KCNN2: variants seen among roughly 807,000 people sequenced by gnomAD.
The protein encoded by KCNN2 is potassium calcium-activated channel subfamily N member 2, also known as small conductance calcium-activated potassium channel protein 2.
In KCNN2, 24 loss-of-function variants were observed where a neutral mutation model predicts 55.5. The observed-to-expected ratio is 0.43, with a 90% confidence interval of 0.31 to 0.61. KCNN2 has a LOEUF of 0.61. Ranked by LOEUF, KCNN2 falls within the 20% of genes least tolerant of loss-of-function variation. KCNN2 has a pLI of 0.08. For synonymous variants in KCNN2, 431 were observed against 336.1 expected (o/e 1.28, Z -3.09); for missense variants, 754 against 853.6 (o/e 0.88, Z 1.45).
chr5:114,297,946 A>G (rs1022858688), intron 2 of KCNN2, among the ~76,000 whole-genome samples: 1 of 152,194 alleles, frequency 6.6e-6, no homozygotes, highest in Non-Finnish European at 1.5e-5. Context: ...TGGAAATGAT[A>G]TTCCATTCCC....
intron 1 of KCNN2, among the ~76,000 whole-genome samples, chr5:114,132,948 T>G (rs187040051): frequency 1.3e-5 from 2 of 152,270 alleles, no homozygotes; most frequent in African/African-American, 4.8e-5. Flanking sequence ...TGATGATGTA[T>G]TAACAGGGAC....
At chr5:114,056,248 C>G (rs187329126) in exon 1 of KCNN2, 5 of 396,614 alleles carry the variant, frequency 1.3e-5, no homozygotes, top group African/African-American at 2.1e-5. Flanking sequence ...CTCTGCTCCC[C>G]GAAGCTGGGG....
At chr5:114,177,871 G>T (rs1463784460) in intron 1 of KCNN2, among the ~76,000 whole-genome samples, 2 of 152,098 alleles carry the variant, frequency 1.3e-5, no homozygotes, top group East Asian at 3.9e-4. Context: ...TGATCAATTA[G>T]ACATCGGATT....
At chr5:114,197,982 A>G (rs531422999) in intron 1 of KCNN2, among the ~76,000 whole-genome samples, 1 of 152,160 alleles carries the variant, frequency 6.6e-6, no homozygotes, top group Non-Finnish European at 1.5e-5. Flanking sequence ...TTTTAAGATA[A>G]TTTTTGTGAA....
intron 2 of KCNN2, among the ~76,000 whole-genome samples, chr5:114,302,244 A>G (rs1271034264): frequency 2.0e-5 from 3 of 152,180 alleles, no homozygotes; most frequent in African/African-American, 7.2e-5. Flanking sequence ...TAAATAATTT[A>G]TGTTTCCACC....
At chr5:114,454,941 G>A (rs531715210) in intron 3 of KCNN2, among the ~76,000 whole-genome samples, 4 of 152,226 alleles carry the variant, frequency 2.6e-5, no homozygotes, top group South Asian at 4.1e-4. Flanking sequence ...TTACAGATAC[G>A]CTTATGTAAA....
intron 1 of KCNN2, among the ~76,000 whole-genome samples, chr5:114,134,745 A>T (rs1580543404): frequency 6.6e-6 from 1 of 152,064 alleles, no homozygotes; most frequent in Non-Finnish European, 1.5e-5. Flanking sequence ...AAAGTGCTGG[A>T]ATTACAGGCG....
At chr5:114,270,585 A>T (rs1040644275) in intron 2 of KCNN2, among the ~76,000 whole-genome samples, 1 of 152,198 alleles carries the variant, frequency 6.6e-6, no homozygotes, top group Non-Finnish European at 1.5e-5. Flanking sequence ...CTGAAACACA[A>T]TGGGAATCAT....
chr5:114,178,079 A>G (rs1753172468), intron 1 of KCNN2, among the ~76,000 whole-genome samples: 1 of 152,204 alleles, frequency 6.6e-6, no homozygotes, highest in African/African-American at 2.4e-5. Flanking sequence ...CTTCCTATTC[A>G]CTGCCTATTC....
intron 3 of KCNN2, among the ~76,000 whole-genome samples, chr5:114,442,976 T>TA (rs932898784): frequency 6.6e-6 from 1 of 150,946 alleles, no homozygotes; most frequent in African/African-American, 2.4e-5. Context: ...TTAAAGGTGT[T>TA]TTTTTCACAA....
intron 1 of KCNN2, among the ~76,000 whole-genome samples, chr5:114,081,611 A>G (rs902177223): frequency 2.6e-5 from 4 of 152,214 alleles, no homozygotes; most frequent in African/African-American, 9.6e-5. Context: ...ATCTAACACC[A>G]TATACAAAAA....
chr5:114,484,479 AT>A (rs1281331128), intron 5 of KCNN2, among the ~76,000 whole-genome samples: 1 of 152,200 alleles, frequency 6.6e-6, no homozygotes, highest in African/African-American at 2.4e-5. Context: ...AATAAAAAAA[AT>A]GAATGCATAG....
intron 1 of KCNN2, among the ~76,000 whole-genome samples, chr5:114,210,550 A>G (rs1051400567): frequency 6.6e-6 from 1 of 152,210 alleles, no homozygotes; most frequent in African/African-American, 2.4e-5. Context: ...AGTAATAATC[A>G]CAGAAAAATA....
rs1394077164 is a variant in KCNN2 at position 114,483,269 on chromosome 5, CTTTCTT to C, written c.1891-3777_1891-3772del. Among the ~76,000 whole-genome samples the C allele has an allele frequency of 1.5e-4, 17 of 111,432 alleles. No homozygotes were observed. The South Asian group carries it at 3.1e-3, about 21-fold the overall frequency. 73.1% of individuals were successfully genotyped at this position (111,432 alleles called of 152,430 possible). A position where few individuals can be genotyped will look rare whatever the true frequency, so the allele number is the denominator to read the frequency against. On this transcript the variant is annotated intron_variant, in intron 5 of 7. Coordinates refer to ENST00000673685, the MANE Select transcript of KCNN2 (RefSeq NM_021614.4). ...AATAATGTAGTAGTAGTGTTTCTTT[CTTTCTT>C]TTTTTTTTTTTTTTTTTGAGAGACG...
intron 1 of KCNN2, among the ~76,000 whole-genome samples, chr5:114,094,444 T>C (rs1328190732): frequency 2.0e-5 from 3 of 152,232 alleles, no homozygotes; most frequent in Non-Finnish European, 2.9e-5. Context: ...GAAAGGATTC[T>C]TCTTCTTTGT....
At chr5:114,078,191 G>C (rs897202857) in intron 1 of KCNN2, among the ~76,000 whole-genome samples, 1 of 152,142 alleles carries the variant, frequency 6.6e-6, no homozygotes, top group African/African-American at 2.4e-5. Flanking sequence ...ATAATGAAAA[G>C]TACCTCGAGG....
intron 1 of KCNN2, among the ~76,000 whole-genome samples, chr5:114,091,370 A>G (rs1015612944): frequency 6.6e-6 from 1 of 152,214 alleles, no homozygotes; most frequent in Non-Finnish European, 1.5e-5. Context: ...TACTAGATAT[A>G]TATAAATTCG....
chr5:114,233,983 C>T (rs1277871666), intron 2 of KCNN2, among the ~76,000 whole-genome samples: 2 of 150,932 alleles, frequency 1.3e-5, no homozygotes, highest in Non-Finnish European at 2.9e-5. Flanking sequence ...AGAATCAACA[C>T]TTCTTGCTGT....
chr5:114,364,911 T>C (rs1757557298), intron 2 of KCNN2, among the ~76,000 whole-genome samples: 1 of 152,086 alleles, frequency 6.6e-6, no homozygotes, highest in Non-Finnish European at 1.5e-5. Context: ...TTTTTTTCTT[T>C]TTTGAGCAGT....
Sources: gnomAD v4.1 joint callset for allele counts (sites outside exome capture counted in the v4.1 genomes callset) on GRCh38, gnomAD v4.1.1 for gene constraint, MANE v1.5 for transcripts, NCBI Gene and HGNC (gene_info 2026-07-23, HGNC 2026-07-21) for gene names.